The following PROX1 variants were observed in gnomAD, a reference collection of about 807,000 sequenced individuals.
PROX1 encodes prospero homeobox protein 1.
In PROX1, 7 loss-of-function variants were observed where a neutral mutation model predicts 58.8. The ratio of observed to expected loss-of-function variants is 0.12; its 90% confidence interval spans 0.07 to 0.22. PROX1 has a LOEUF of 0.22. PROX1 is among the 10% of genes least tolerant of loss of function. The pLI, the probability that PROX1 is intolerant of heterozygous loss-of-function variation, is 1.00. For synonymous variants in PROX1, 350 were observed against 358.3 expected (o/e 0.98, Z 0.26); for missense variants, 675 against 927.8 (o/e 0.73, Z 3.54).
rs1346299564 is a variant in PROX1 at position 213,997,757 on chromosome 1, C to A, written c.1222C>A (p.Arg408Ser). 2 of 1,614,170 alleles carry A rather than the reference C, an allele frequency of 1.2e-6. No individual in the cohort carries two copies. Among genetic ancestry groups the A allele is most frequent in the East Asian group, 2.2e-5 (1 of 44,870 alleles). Residue 408 changes from arginine to serine, a missense_variant, in exon 2 of 5, where the codon CGC becomes AGC. By Grantham distance (110) the Arg-to-Ser change is moderately radical (BLOSUM62 -1). Coordinates refer to ENST00000366958, the MANE Select transcript of PROX1 (RefSeq NM_001270616.2). This position sits in a 1 kb window ranked among gnomAD's most constrained non-coding sequence, Gnocchi z 7.1. The part of the protein sequence containing the change: ...ENHNFHTANQ[R>S]LQCFGDVIIP... ...CCACAATTTCCACACCGCCAACCAG[C>A]GCCTGCAGTGCTTTGGCGACGTCAT... is the stretch of plus-strand genomic sequence containing the variant.
At chr1:214,029,729 C>T (rs1664581287) in intron 4 of PROX1, 1 of 152,074 alleles carries the variant, frequency 6.6e-6, no homozygotes, top group Admixed American at 6.6e-5. Context: ...AGGCTCAAGT[C>T]AGCCTCTTGA....
intron 2 of PROX1, among the ~76,000 whole-genome samples, chr1:214,000,967 A>G (rs979023849): frequency 6.6e-6 from 1 of 151,934 alleles, no homozygotes; most frequent in Admixed American, 6.6e-5. Context: ...CCTCGAAAAG[A>G]TCAATAGAAA....
intron 2 of PROX1, among the ~76,000 whole-genome samples, chr1:214,001,432 C>T (rs1240705791): frequency 2.6e-5 from 4 of 152,150 alleles, no homozygotes; most frequent in African/African-American, 7.2e-5. Context: ...TCATGATGTT[C>T]CTTGTCATTC....
At position 214,006,719 on chromosome 1, in the gene PROX1, T is replaced by C. The variant is rs546150982; in HGVS notation, c.1833+1447T>C. Among the ~76,000 whole-genome samples the C allele has an allele frequency of 3.3e-5, 5 of 152,234 alleles. No homozygotes were observed. The South Asian group carries it at 1.0e-3, about 32-fold the overall frequency. On this transcript the variant is annotated intron_variant, in intron 3 of 4. Transcript: ENST00000366958. The stretch of plus-strand genomic sequence containing the variant: ...CTTCCAGGGAATCCTCCCAACATTT[T>C]AGTTCTAGGAGGGGACATGGAGGAC...
At chr1:214,003,219 G>A in intron 2 of PROX1, among the ~76,000 whole-genome samples, 1 of 152,192 alleles carries the variant, frequency 6.6e-6, no homozygotes, top group East Asian at 1.9e-4. Flanking sequence ...TTTGTATTTT[G>A]TATGACACCA....
chr1:214,014,183 G>GC (rs1664014966), intron 4 of PROX1, among the ~76,000 whole-genome samples: 1 of 152,156 alleles, frequency 6.6e-6, no homozygotes, highest in Admixed American at 6.5e-5. Flanking sequence ...GCTAGTGTGG[G>GC]CCGTGGCTGA....
At chr1:214,006,250 C>A (rs1663708502) in intron 3 of PROX1, among the ~76,000 whole-genome samples, 2 of 151,890 alleles carry the variant, frequency 1.3e-5, no homozygotes. Flanking sequence ...TTCCACTGCT[C>A]CCCGCACGCA....
intron 3 of PROX1, among the ~76,000 whole-genome samples, chr1:214,007,799 T>G (rs1042077933): frequency 8.5e-5 from 13 of 152,218 alleles, no homozygotes; most frequent in African/African-American, 2.7e-4. Context: ...TCTTTATATA[T>G]GAATATACAA....
At chr1:214,008,818 G>T (rs958000074) in intron 3 of PROX1, among the ~76,000 whole-genome samples, 13 of 152,162 alleles carry the variant, frequency 8.5e-5, no homozygotes, top group African/African-American at 2.7e-4. Context: ...TCTAAACAAA[G>T]TTCTATGTTC....
chr1:214,035,831 G>A lies in PROX1; in HGVS notation c.2211G>A (p.Glu737=), dbSNP rs370883938. 3.1e-6 allele frequency: 5 copies of A among 1,606,116 alleles called. No individual in the cohort carries two copies. The South Asian group carries it at 3.4e-5, about 11-fold the overall frequency. ...SPNCLQELLH[E] Reference sequence around the variant, plus strand: ...ACTGCCTACAAGAGCTGCTTCATGAGTAGAAATTTCAACAACTCTTTTTGA... The same window carrying A: ...ACTGCCTACAAGAGCTGCTTCATGAATAGAAATTTCAACAACTCTTTTTGA... Residue 737 remains glutamate (E), a synonymous_variant, in exon 5 of 5, where the codon GAG becomes GAA. Coordinates refer to ENST00000366958, the MANE Select transcript of PROX1 (RefSeq NM_001270616.2).
intron 4 of PROX1, among the ~76,000 whole-genome samples, chr1:214,024,926 G>A (rs184485367): frequency 1.8e-4 from 28 of 152,282 alleles, no homozygotes. Flanking sequence ...CTGTCAGCTT[G>A]TCTTGAACTC....
At chr1:214,031,421 A>G (rs1664653951) in intron 4 of PROX1, among the ~76,000 whole-genome samples, 1 of 152,124 alleles carries the variant, frequency 6.6e-6, no homozygotes, top group Admixed American at 6.5e-5. Context: ...AGTTCCAGCC[A>G]AAGACTTTGG....
chr1:214,025,562 G>A (rs1177754601), intron 4 of PROX1, among the ~76,000 whole-genome samples: 1 of 151,904 alleles, frequency 6.6e-6, no homozygotes, highest in Non-Finnish European at 1.5e-5. Flanking sequence ...GCCCTTTACT[G>A]GCAAATTTTG....
In PROX1 at chr1:213,997,439, C is replaced by T. The variant is rs1180802689; in HGVS notation, c.904C>T (p.Leu302=). The change falls in exon 2 of 5, where the codon CTA becomes TTA. Residue 302 remains leucine (L), a synonymous_variant. Transcript: ENST00000366958. The surrounding 1 kb of genome is among the most constrained non-coding windows in gnomAD (Gnocchi z 7.1). ...VGRSDNEMCE[L]DPGQFIDRAR... is the part of the protein sequence containing the mutation. ...AAGGTCAGATAATGAGATGTGCGAGCTAGACCCAGGACAGTTTATTGACCG... is the reference window on the plus strand; with the variant it reads ...AAGGTCAGATAATGAGATGTGCGAGTTAGACCCAGGACAGTTTATTGACCG... 3.7e-6 allele frequency: 6 copies of T among 1,613,980 alleles called. No homozygotes were observed. Among genetic ancestry groups the T allele is most frequent in the Non-Finnish European group, 2.5e-6 (3 of 1,180,036 alleles).
At position 214,011,598 on chromosome 1, in the gene PROX1, G is replaced by A. The variant is rs1434582241; in HGVS notation, c.1911G>A (p.Lys637=). ...AGTTTTACTACATTCAGATGGAGAA[G>A]TACGCACGTCAAGCCATCAACGATG... ...FREFYYIQME[K]YARQAINDGV... Residue 637 remains lysine, a synonymous_variant, in exon 4 of 5, where the codon AAG becomes AAA. Coordinates refer to ENST00000366958, the MANE Select transcript of PROX1 (RefSeq NM_001270616.2). 1 of 1,614,052 alleles carries A rather than the reference G, an allele frequency of 6.2e-7. No homozygotes were observed. The highest frequency in any genetic ancestry group is 1.1e-5 in the South Asian group (1 of 91,074).
intron 4 of PROX1, among the ~76,000 whole-genome samples, chr1:214,028,126 A>G (rs1399976305): frequency 6.6e-6 from 1 of 152,188 alleles, no homozygotes; most frequent in Non-Finnish European, 1.5e-5. Context: ...GAAAGCCTTT[A>G]GTCCTAAGCC....
intron 1 of PROX1, among the ~76,000 whole-genome samples, chr1:213,993,605 G>A (rs1663115750): frequency 2.0e-5 from 3 of 152,140 alleles, no homozygotes; most frequent in Admixed American, 2.0e-4. Flanking sequence ...TGCTAATAAA[G>A]TGCTGTGTCA....
At chr1:213,993,065 G>A (rs2102685062) in intron 1 of PROX1, among the ~76,000 whole-genome samples, 1 of 152,222 alleles carries the variant, frequency 6.6e-6, no homozygotes, top group Non-Finnish European at 1.5e-5. Flanking sequence ...GGAGGAATCT[G>A]CTATGTTAAG....
chr1:213,998,584 TAAA>T (rs1261637923), intron 2 of PROX1, among the ~76,000 whole-genome samples: 2 of 152,110 alleles, frequency 1.3e-5, no homozygotes, highest in Non-Finnish European at 2.9e-5. Context: ...TTAAAAAAAA[TAAA>T]GAAGTAGATT....
Sources: gnomAD v4.1 joint callset for allele counts (sites outside exome capture counted in the v4.1 genomes callset) on GRCh38, gnomAD v4.1.1 for gene constraint, Gnocchi (gnomAD v3.1) non-coding constraint, MANE v1.5 for transcripts, NCBI Gene and HGNC (gene_info 2026-07-23, HGNC 2026-07-21) for gene names.